PTK2: variants seen among roughly 807,000 people sequenced by gnomAD.
PTK2 encodes the protein focal adhesion kinase 1.
PTK2 carries 45 observed loss-of-function variants against 150.1 expected under a neutral mutation model. The ratio of observed to expected loss-of-function variants is 0.30; its 90% CI spans 0.24 to 0.38. The LOEUF (loss-of-function observed/expected upper bound fraction) is 0.38, where lower values mean the gene tolerates loss of function less well. Among genes scored for constraint, PTK2 ranks in the 10% least tolerant of loss-of-function variants. PTK2 has a pLI of 1.00. For missense variants in PTK2, 919 were observed against 1,307.3 expected (o/e 0.70, Z 4.58); for synonymous variants, 432 against 449.2 (o/e 0.96, Z 0.48).
chr8:140,694,274 C>G (rs1382758205), intron 26 of PTK2, among the ~76,000 whole-genome samples: 1 of 152,038 alleles, frequency 6.6e-6, no homozygotes, highest in African/African-American at 2.4e-5. Context: ...ATCTCCTGAC[C>G]TCGTGATCCG....
At chr8:140,902,903 C>T (rs2154607737) in intron 2 of PTK2, among the ~76,000 whole-genome samples, 1 of 121,324 alleles carries the variant, frequency 8.2e-6, no homozygotes, top group South Asian at 2.8e-4. Flanking sequence ...TGTAGGTTGC[C>T]TGTTCACTCT....
At chr8:140,945,577 G>A (rs528382356) in intron 1 of PTK2, among the ~76,000 whole-genome samples, 1 of 144,556 alleles carries the variant, frequency 6.9e-6, no homozygotes, top group Non-Finnish European at 1.5e-5. Flanking sequence ...GTGACAAAAT[G>A]AGACCTTTAT....
intron 15 of PTK2, 73 bp from the exon 19 acceptor site, chr8:140,761,335 C>G (rs751161491): frequency 1.7e-6 from 2 of 1,193,752 alleles, no homozygotes. Context: ...TGACGTATTT[C>G]TTGATCATCC....
At chr8:140,973,460 C>T (rs186287272) in intron 1 of PTK2, among the ~76,000 whole-genome samples, 3 of 150,960 alleles carry the variant, frequency 2.0e-5, no homozygotes, top group Admixed American at 1.3e-4. Context: ...TTCTAGATTA[C>T]GTAAAGCAAA....
chr8:140,773,077 C>T (rs1473955931), intron 14 of PTK2, among the ~76,000 whole-genome samples: 3 of 152,232 alleles, frequency 2.0e-5, no homozygotes, highest in African/African-American at 4.8e-5. Flanking sequence ...AGTGCTAGCT[C>T]TTCTTACTTT....
intron 3 of PTK2, among the ~76,000 whole-genome samples, chr8:140,889,516 A>G (rs2100153519): frequency 6.6e-6 from 1 of 152,078 alleles, no homozygotes; most frequent in Admixed American, 6.6e-5. Flanking sequence ...GGCATGGACC[A>G]CCATGCCCGA....
chr8:140,877,133 A>C (rs2100146095), intron 4 of PTK2, among the ~76,000 whole-genome samples: 1 of 148,760 alleles, frequency 6.7e-6, no homozygotes, highest in South Asian at 2.1e-4. Flanking sequence ...CCCAGGTTCA[A>C]GCAATTCTCC....
At chr8:140,918,224 C>G (rs2100166067) in intron 2 of PTK2, among the ~76,000 whole-genome samples, 1 of 152,052 alleles carries the variant, frequency 6.6e-6, no homozygotes, top group African/African-American at 2.4e-5. Flanking sequence ...ACTGAAAAGC[C>G]AAAATAATTG....
intron 1 of PTK2, among the ~76,000 whole-genome samples, chr8:140,947,715 G>A (rs1366236677): frequency 6.6e-6 from 1 of 151,970 alleles, no homozygotes; most frequent in Non-Finnish European, 1.5e-5. Flanking sequence ...GGAGCTACAC[G>A]CACAGTGATG....
chr8:140,700,220 G>C (rs1025696113), intron 26 of PTK2, among the ~76,000 whole-genome samples: 1 of 152,106 alleles, frequency 6.6e-6, no homozygotes, highest in Non-Finnish European at 1.5e-5. Flanking sequence ...TAGGATTCTG[G>C]ATCTATTAGA....
chr8:140,913,355 G>C (rs1264774516), intron 2 of PTK2, among the ~76,000 whole-genome samples: 2 of 149,934 alleles, frequency 1.3e-5, no homozygotes, highest in Admixed American at 6.6e-5. Flanking sequence ...GAGTGCAATG[G>C]TGCAATCTTT....
intron 5 of PTK2, among the ~76,000 whole-genome samples, chr8:140,850,366 CAG>C (rs1292083096): frequency 6.6e-6 from 1 of 151,860 alleles, no homozygotes; most frequent in Non-Finnish European, 1.5e-5. Flanking sequence ...GCGGAGGTTG[CAG>C]AGAGCCAAGA....
intron 28 of PTK2, 129 bp downstream of exon 31, chr8:140,675,331 T>C: frequency 1.0e-6 from 1 of 959,258 alleles, no homozygotes; most frequent in Non-Finnish European, 1.6e-6. Flanking sequence ...GTAAACATCG[T>C]ACTTGCTGTG....
chr8:140,858,426 GA>G (rs923460874), intron 5 of PTK2, among the ~76,000 whole-genome samples: 55 of 121,530 alleles, frequency 4.5e-4, no homozygotes, highest in East Asian at 1.0e-3. Context: ...AGCAAGGGCA[GA>G]AAAAAAAAAA....
At chr8:140,681,763 C>A (rs1281330200) in intron 27 of PTK2, among the ~76,000 whole-genome samples, 1 of 152,012 alleles carries the variant, frequency 6.6e-6, no homozygotes, top group Non-Finnish European at 1.5e-5. Flanking sequence ...GGCCACAGAG[C>A]GAGACTCCGT....
At chr8:140,817,159 C>T (rs901786419) in intron 10 of PTK2, among the ~76,000 whole-genome samples, 2 of 151,890 alleles carry the variant, frequency 1.3e-5, no homozygotes, top group Non-Finnish European at 2.9e-5. Context: ...GACAGTGTGC[C>T]TGATGATGAC....
chr8:140,730,801 G>C (rs924639556), intron 22 of PTK2, among the ~76,000 whole-genome samples: 2 of 151,816 alleles, frequency 1.3e-5, no homozygotes, highest in Non-Finnish European at 2.9e-5. Flanking sequence ...TTTTAAAATA[G>C]TGGTACCAAC....
At chr8:140,983,161 CG>C (rs2100192080) in intron 1 of PTK2, among the ~76,000 whole-genome samples, 1 of 151,874 alleles carries the variant, frequency 6.6e-6, no homozygotes, top group Non-Finnish European at 1.5e-5. Flanking sequence ...CCAAGGCAGG[CG>C]GATCTTCTGA....
chr8:140,787,572 G>C (rs968763001), intron 14 of PTK2, among the ~76,000 whole-genome samples: 1 of 152,144 alleles, frequency 6.6e-6, no homozygotes, highest in Non-Finnish European at 1.5e-5. Context: ...ACACATCTGA[G>C]GTTTAAACCT....
Sources: allele counts gnomAD v4.1 joint callset (sites outside exome capture counted in the v4.1 genomes callset), GRCh38; gene constraint gnomAD v4.1.1; transcripts MANE v1.5; gene names NCBI Gene and HGNC (gene_info 2026-07-23, HGNC 2026-07-21).